The following ZNF385C variants were observed in gnomAD, a reference collection of about 807,000 sequenced individuals.
ZNF385C encodes the protein CTD-2132N18.2.
In ZNF385C, 28 loss-of-function variants were observed where a neutral mutation model predicts 35.4. The ratio of observed to expected loss-of-function variants is 0.79; its 90% CI spans 0.59 to 1.08. The LOEUF (loss-of-function observed/expected upper bound fraction) is 1.08. ZNF385C is among the 50% of genes least tolerant of loss of function. ZNF385C has a pLI of 0.00. For synonymous variants in ZNF385C, 248 were observed against 248.2 expected, an observed-to-expected ratio of 1.00 and a Z score of 0.01; for missense variants, 605 against 595.6, an observed-to-expected ratio of 1.02 and a Z score of -0.16.
chr17:42,093,818 C>T (rs2143961172), intron 1 of ZNF385C, among the ~76,000 whole-genome samples: 1 of 151,582 alleles, frequency 6.6e-6, no homozygotes, highest in Non-Finnish European at 1.5e-5. Flanking sequence ...TCCTTGACCT[C>T]AAGCAATCCA....
rs1453360647 is a variant in ZNF385C at position 42,079,406 on chromosome 17, T to C, written c.-2-16348A>G. Among the ~76,000 whole-genome samples the C allele has an allele frequency of 3.7e-5, 5 of 135,156 alleles. No individual in the cohort carries two copies. In the South Asian group the frequency reaches 1.2e-3, roughly 31 times the overall value. The allele number at this position is 135,156 out of a possible 152,430, so 88.7% of individuals were successfully genotyped here. ...TCAAAAAAAAAAAAAAAAAAAATAC[T>C]GACCAGGCACAGTGGCTCACGCCTG... On this transcript the variant is annotated intron_variant, in intron 1 of 8. Transcript: ENST00000692273.
intron 6 of ZNF385C, 120 bp from the exon 7 acceptor site, chr17:42,028,366 C>A: frequency 9.9e-7 from 1 of 1,008,502 alleles, no homozygotes; most frequent in South Asian, 1.8e-5. Flanking sequence ...TCTGTGCACA[C>A]ATCGCCCTCC....
chr17:42,087,018 T>C (rs1555660198), intron 1 of ZNF385C, among the ~76,000 whole-genome samples: 1 of 151,890 alleles, frequency 6.6e-6, no homozygotes, highest in African/African-American at 2.4e-5. Flanking sequence ...GACGAGGATT[T>C]CTCCATATTG....
rs905262525 is a variant in ZNF385C, at chr17:42,041,310, C to G, written c.251-3425G>C. 4.6e-6 allele frequency: 4 copies of G among 866,080 alleles called. No individual in the cohort carries two copies. In the South Asian group the frequency reaches 2.5e-4, roughly 53 times the overall value. The allele number at this position is 866,080 out of a possible 1,614,324, so 53.6% of individuals were successfully genotyped here. A position where few individuals can be genotyped will look rare whatever the true frequency, so the allele number is the denominator to read the frequency against. ...CCTTGAGGTTAGACAGACTTAGGGACTAATCCTGGCTTTGCCACTTACTGG... is the reference window on the plus strand; with the variant it reads ...CCTTGAGGTTAGACAGACTTAGGGAGTAATCCTGGCTTTGCCACTTACTGG... On this transcript the variant is annotated intron_variant, in intron 2 of 8. Coordinates refer to ENST00000692273, the MANE Select transcript of ZNF385C (RefSeq NM_001392013.1).
At chr17:42,044,289 T>A in intron 2 of ZNF385C, among the ~76,000 whole-genome samples, 3 of 107,848 alleles carry the variant, frequency 2.8e-5, no homozygotes, top group Non-Finnish European at 5.3e-5. Context: ...GACTGGGTAA[T>A]AGAGCTAGAC....
chr17:42,079,530 G>A (rs1217360093), intron 1 of ZNF385C, among the ~76,000 whole-genome samples: 3 of 151,680 alleles, frequency 2.0e-5, no homozygotes, highest in Admixed American at 1.3e-4. Flanking sequence ...GTTGACCATG[G>A]TGGTGCATGT....
rs574000501 is a variant in ZNF385C, at chr17:42,080,969, C to T, written c.-3+17441G>A. Among the ~76,000 whole-genome samples the T allele has an allele frequency of 3.3e-5, 5 of 152,316 alleles. No homozygotes were observed. In the South Asian group the frequency reaches 1.0e-3, roughly 32 times the overall value. ...AAAATGGACTCAGTAGTATATACCT[C>T]ATGGGGTTGTTGGGAGAACCAAGAG... is the stretch of plus-strand genomic sequence containing the variant. On this transcript the variant is annotated intron_variant, in intron 1 of 8. Transcript: ENST00000692273.
intron 1 of ZNF385C, among the ~76,000 whole-genome samples, chr17:42,067,508 C>T (rs1026581004): frequency 6.6e-5 from 10 of 152,072 alleles, no homozygotes; most frequent in African/African-American, 2.2e-4. Context: ...GTGAAGACTC[C>T]GTACCCCCTG....
intron 1 of ZNF385C, among the ~76,000 whole-genome samples, chr17:42,079,187 C>CA (rs141880528): frequency 0.015 from 1,683 of 113,828 alleles, 33 homozygotes; most frequent in African/African-American, 0.047. Context: ...CCCTGTCTCG[C>CA]AAAAAAAAAA....
intron 1 of ZNF385C, among the ~76,000 whole-genome samples, chr17:42,070,293 G>A (rs1014679399): frequency 8.5e-5 from 13 of 152,294 alleles, no homozygotes; most frequent in Middle Eastern, 3.4e-3. Context: ...GCAGTGAGCC[G>A]AGATCGCGCC....
intron 2 of ZNF385C, among the ~76,000 whole-genome samples, chr17:42,047,003 C>T (rs2143716530): frequency 6.7e-6 from 1 of 150,164 alleles, no homozygotes; most frequent in East Asian, 2.0e-4. Context: ...ACTGGGATTA[C>T]AGGCACATGC....
At chr17:42,057,535 T>TGTGTGC (rs2053399617) in intron 2 of ZNF385C, among the ~76,000 whole-genome samples, 1 of 151,842 alleles carries the variant, frequency 6.6e-6, no homozygotes, top group Non-Finnish European at 1.5e-5. Context: ...TGTGTGTGTG[T>TGTGTGC]GTGTGATGGT....
chr17:42,096,128 C>T (rs1196787380), intron 1 of ZNF385C, among the ~76,000 whole-genome samples: 1 of 152,176 alleles, frequency 6.6e-6, no homozygotes, highest in Non-Finnish European at 1.5e-5. Flanking sequence ...CTGTCTGCAC[C>T]ACAAGGGACT....
intron 2 of ZNF385C, chr17:42,043,401 C>T: frequency 8.1e-7 from 1 of 1,231,942 alleles, no homozygotes. Context: ...CAAGGAACCC[C>T]CAACCCCCAC....
intron 2 of ZNF385C, chr17:42,038,877 G>A (rs565413660): frequency 1.3e-5 from 2 of 152,282 alleles, no homozygotes; most frequent in Admixed American, 1.3e-4. Context: ...AGGACACTGT[G>A]CTGTGTGTCA....
At chr17:42,076,898 C>T (rs566011083) in intron 1 of ZNF385C, among the ~76,000 whole-genome samples, 26 of 152,122 alleles carry the variant, frequency 1.7e-4, no homozygotes, top group Admixed American at 5.2e-4. Context: ...TGGTGCTAGC[C>T]CTTCCTGGTC....
chr17:42,042,839 T>A (rs2143669564), intron 2 of ZNF385C: 1 of 1,232,342 alleles, frequency 8.1e-7, no homozygotes, highest in Admixed American at 4.2e-5. Flanking sequence ...CCCACCTGCA[T>A]GTCCCTCACC....
intron 1 of ZNF385C, among the ~76,000 whole-genome samples, chr17:42,079,972 T>C (rs1302462025): frequency 2.6e-5 from 4 of 152,098 alleles, no homozygotes; most frequent in Non-Finnish European, 5.9e-5. Flanking sequence ...CAGCCATCAA[T>C]TTTTCCCAAC....
At chr17:42,051,783 C>T (rs1285876389) in intron 2 of ZNF385C, among the ~76,000 whole-genome samples, 1 of 152,154 alleles carries the variant, frequency 6.6e-6, no homozygotes, top group African/African-American at 2.4e-5. Context: ...AGGTCCCAGC[C>T]CCACCAGTGG....
Sources: gnomAD v4.1 joint callset for allele counts (sites outside exome capture counted in the v4.1 genomes callset) on GRCh38, gnomAD v4.1.1 for gene constraint, MANE v1.5 for transcripts, NCBI Gene and HGNC (gene_info 2026-07-23, HGNC 2026-07-21) for gene names.